DLG5: variants seen among roughly 807,000 people sequenced by gnomAD.
DLG5 encodes the protein discs large MAGUK scaffold protein 5.
A neutral mutation model predicts 189.8 loss-of-function variants in DLG5; 48 were observed. The observed-to-expected ratio is 0.25, with a 90% confidence interval of 0.20 to 0.32. The LOEUF (loss-of-function observed/expected upper bound fraction) is 0.32. Among genes scored for constraint, DLG5 ranks in the 10% least tolerant of loss-of-function variants. The pLI is 1.00. For missense variants in DLG5, 2,160 were observed against 2,544.7 expected, an observed-to-expected ratio of 0.85 and a Z score of 3.25; for synonymous variants, 1,016 against 1,054.1, an observed-to-expected ratio of 0.96 and a Z score of 0.70.
intron 7 of DLG5, among the ~76,000 whole-genome samples, 195 bp downstream of exon 7, chr10:77,841,685 GT>G (rs1333993598): frequency 6.6e-6 from 1 of 152,204 alleles, no homozygotes; most frequent in African/African-American, 2.4e-5. Context: ...CTTGTCCCCT[GT>G]AATCCAGACT....
the DLG5 span, among the ~76,000 whole-genome samples, chr10:77,932,554 T>A: frequency 6.6e-6 from 1 of 152,068 alleles, no homozygotes; most frequent in Non-Finnish European, 1.5e-5. Flanking sequence ...ATCCCAGCAC[T>A]TTGGAAGGCC....
chr10:77,808,964 T>TGGCGCATGCC (rs781660216), intron 24 of DLG5, among the ~76,000 whole-genome samples: 1 of 151,734 alleles, frequency 6.6e-6, no homozygotes, highest in Non-Finnish European at 1.5e-5. Context: ...CTGGGCGTGT[T>TGGCGCATGCC]GGCGCATGCC....
At chr10:77,808,055 C>A (rs910691291) in intron 24 of DLG5, 111 bp from the exon 25 acceptor site, 34 of 1,322,058 alleles carry the variant, frequency 2.6e-5, no homozygotes, top group Non-Finnish European at 3.5e-5. Flanking sequence ...CCCTCCTTAA[C>A]TGAGACTCTG....
intron 1 of DLG5, among the ~76,000 whole-genome samples, chr10:77,898,348 G>A (rs755083858): frequency 2.6e-5 from 4 of 152,236 alleles, no homozygotes; most frequent in Admixed American, 1.3e-4. Flanking sequence ...TGAATTGCTC[G>A]TAGGATTTAA....
chr10:77,895,364 C>T (rs1258804394), intron 1 of DLG5, among the ~76,000 whole-genome samples: 2 of 152,180 alleles, frequency 1.3e-5, no homozygotes, highest in Non-Finnish European at 2.9e-5. Flanking sequence ...AGGCCAGTGA[C>T]CCCACATCAA....
intron 13 of DLG5, among the ~76,000 whole-genome samples, chr10:77,826,504 C>A (rs775553485): frequency 2.0e-5 from 3 of 152,208 alleles, no homozygotes; most frequent in Admixed American, 6.5e-5. Context: ...TGGCACATGT[C>A]TGTAATCCCA....
chr10:77,795,074 T>A (rs2154574771), intron 29 of DLG5, 116 bp from the exon 30 acceptor site: 1 of 741,006 alleles, frequency 1.3e-6, no homozygotes, highest in East Asian at 2.7e-5. Flanking sequence ...AACAAGGCAG[T>A]AAAGCCACAC....
At position 77,926,210 on chromosome 10, in the gene DLG5, C is replaced by T. The variant is rs756838241; in HGVS notation, c.304+7G>A. 8.8e-6 allele frequency: 13 copies of T among 1,485,010 alleles called. 1 individual carries two copies. In the South Asian group the frequency reaches 9.6e-5, roughly 11 times the overall value. The allele number at this position is 1,485,010 out of a possible 1,614,324, so 92.0% of individuals were successfully genotyped here. A position where few individuals can be genotyped will look rare whatever the true frequency, so the allele number is the denominator to read the frequency against. ...CCAGAGGCGGGGGCCAAGGGTCTGCCACTCACCCGCGCCTTCGGCGGGCTG... is the reference window on the plus strand; with the variant it reads ...CCAGAGGCGGGGGCCAAGGGTCTGCTACTCACCCGCGCCTTCGGCGGGCTG... On this transcript the variant is annotated splice_region_variant and intron_variant, in intron 1 of 31. Coordinates refer to ENST00000372391, the MANE Select transcript of DLG5 (RefSeq NM_004747.4). The surrounding 1 kb of genome is among the most constrained non-coding windows in gnomAD (Gnocchi z 5.2).
chr10:77,926,929 C>G (rs1261196031), upstream of DLG5: 1 of 359,580 alleles, frequency 2.8e-6, no homozygotes. The surrounding 1 kb of genome is among the most constrained non-coding windows in gnomAD (Gnocchi z 5.2). Flanking sequence ...CCGCGCGCCG[C>G]CCCCAGAGCA....
intron 21 of DLG5, 62 bp from the exon 22 acceptor site, chr10:77,812,119 TG>T: frequency 6.3e-7 from 1 of 1,598,938 alleles, no homozygotes. Flanking sequence ...GAGGAGGCCC[TG>T]GGGACTTGGG....
intron 1 of DLG5, among the ~76,000 whole-genome samples, chr10:77,924,655 T>C (rs1037521389): frequency 6.6e-6 from 1 of 152,174 alleles, no homozygotes; most frequent in Non-Finnish European, 1.5e-5. Flanking sequence ...CATCTGACAG[T>C]CCCTTCCTAG....
At chr10:77,906,606 G>A (rs912083789) in intron 1 of DLG5, among the ~76,000 whole-genome samples, 2 of 148,950 alleles carry the variant, frequency 1.3e-5, no homozygotes, top group Admixed American at 1.4e-4. Flanking sequence ...CAGCAACAGT[G>A]CTGCGCTCCA....
At chr10:77,795,080 C>T (rs1840842834) in intron 29 of DLG5, 122 bp from the exon 30 acceptor site, 3 of 694,630 alleles carry the variant, frequency 4.3e-6, no homozygotes, top group Admixed American at 2.6e-5. Context: ...GCAGTAAAGC[C>T]ACACAGTACA....
intron 1 of DLG5, among the ~76,000 whole-genome samples, chr10:77,884,139 G>A (rs1194762938): frequency 6.6e-6 from 1 of 152,176 alleles, no homozygotes; most frequent in Non-Finnish European, 1.5e-5. Context: ...AGAGAATGAT[G>A]CATCCTAGAA....
intron 2 of DLG5, among the ~76,000 whole-genome samples, chr10:77,867,557 A>G (rs1474133066): frequency 6.6e-6 from 1 of 152,226 alleles, no homozygotes; most frequent in East Asian, 1.9e-4. Context: ...AAAAGCAGGC[A>G]GAACAAAGTA....
intron 1 of DLG5, among the ~76,000 whole-genome samples, chr10:77,885,237 T>TC (rs1467784964): frequency 4.0e-5 from 6 of 151,582 alleles, no homozygotes; most frequent in African/African-American, 1.4e-4. Flanking sequence ...ATGCCTACGC[T>TC]CAGAAAACAG....
intron 15 of DLG5, 127 bp downstream of exon 15, chr10:77,820,955 A>AGCAAAG (rs1163423808): frequency 2.4e-4 from 322 of 1,322,412 alleles, no homozygotes; most frequent in South Asian, 1.5e-3. Context: ...TGAGTCCAAC[A>AGCAAAG]GCAAAGGCAA....
chr10:77,860,126 G>A (rs970730435), intron 2 of DLG5, among the ~76,000 whole-genome samples: 2 of 152,122 alleles, frequency 1.3e-5, no homozygotes, highest in Non-Finnish European at 2.9e-5. Flanking sequence ...TGATAACATC[G>A]TCCCCATTTC....
chr10:77,809,630 G>T lies in DLG5; in HGVS notation c.4564C>A (p.His1522Asn), dbSNP rs1471667010. ...TCCACCTCGGCCACAAACACCCCAT[G>T]CAGGTTCCCACCACACAAGTGCACC... ...LGVHLCGGNL[H>N]GVFVAEVEDD... The change falls in exon 24 of 32, where the codon CAT (histidine) becomes AAT (asparagine). Residue 1522 changes from histidine (H) to asparagine (N), a missense_variant. By Grantham distance (68) the His-to-Asn change is moderately conservative. Around this residue, in one of 5 missense-constraint regions of DLG5, gnomAD observed 574 missense variants for 644.2 expected, o/e 0.89. Transcript: ENST00000372391. The T allele has an allele frequency of 6.2e-7, 1 of 1,614,208 alleles. No individual in the cohort carries two copies. Among genetic ancestry groups the T allele is most frequent in the Non-Finnish European group, 8.5e-7 (1 of 1,180,032 alleles).
Sources: allele counts gnomAD v4.1 joint callset (sites outside exome capture counted in the v4.1 genomes callset), GRCh38; gene constraint gnomAD v4.1.1; regional missense constraint gnomAD v4.1.1; non-coding constraint Gnocchi (gnomAD v3.1); transcripts MANE v1.5; gene names NCBI Gene and HGNC (gene_info 2026-07-23, HGNC 2026-07-21).